The following PPP3R1 variants were observed in gnomAD, a reference collection of about 807,000 sequenced individuals.
PPP3R1 encodes the protein protein phosphatase 3 regulatory subunit B, alpha, also known as calcineurin subunit B type 1.
A neutral mutation model predicts 22.6 loss-of-function variants in PPP3R1; 5 were observed. The observed-to-expected ratio is 0.22, with a 90% CI of 0.12 to 0.46. The LOEUF (loss-of-function observed/expected upper bound fraction) is 0.46, where lower values mean the gene tolerates loss of function less well. PPP3R1 is among the 20% of genes least tolerant of loss of function. The pLI is 0.99. For synonymous variants in PPP3R1, 56 were observed against 65.2 expected (o/e 0.86, Z 0.68); for missense variants, 61 against 203.2 (o/e 0.30, Z 4.25).
At chr2:68,220,365 C>T (rs1461639771) in intron 1 of PPP3R1, among the ~76,000 whole-genome samples, 1 of 152,174 alleles carries the variant, frequency 6.6e-6, no homozygotes, top group East Asian at 1.9e-4. Flanking sequence ...GGAAACTCCC[C>T]AAGTCCAGGA....
chr2:68,187,738 G>T (rs1674576209), intron 3 of PPP3R1, among the ~76,000 whole-genome samples: 2 of 152,224 alleles, frequency 1.3e-5, no homozygotes, highest in South Asian at 4.1e-4. Context: ...CATGACAAAT[G>T]ATCATTTTTC....
intron 3 of PPP3R1, 63 bp from the exon 4 acceptor site, chr2:68,187,377 T>A: frequency 7.7e-7 from 1 of 1,302,258 alleles, no homozygotes; most frequent in Admixed American, 2.0e-5. Context: ...AAAAACATAT[T>A]TACCTTACAT....
At position 68,217,180 on chromosome 2, in the gene PPP3R1, T is replaced by C. The variant is rs770051623; in HGVS notation, c.4-49A>G. On this transcript the variant is annotated intron_variant, in intron 1 of 5. Transcript: ENST00000234310. The stretch of plus-strand genomic sequence containing the variant: ...TAGTCATAAAATAGGCACAAATTTG[T>C]TTAAAATATTAAACCTAAATATTTT... 8.0e-6 allele frequency: 11 copies of C among 1,373,322 alleles called. No homozygotes were observed. The Admixed American group carries it at 1.6e-4, about 20-fold the overall frequency. The allele number at this position is 1,373,322 out of a possible 1,614,324, so 85.1% of individuals were successfully genotyped here.
chr2:68,217,306 T>C (rs1669599352), intron 1 of PPP3R1, among the ~76,000 whole-genome samples, 175 bp from the exon 2 acceptor site: 1 of 152,156 alleles, frequency 6.6e-6, no homozygotes, highest in Non-Finnish European at 1.5e-5. Flanking sequence ...ATGATAATAC[T>C]GTAGAAAGAG....
Position 68,186,616 on chromosome 2 carries a change from T to C in PPP3R1, c.317A>G (p.Tyr106Cys), listed in dbSNP as rs1674550421. ...CTGGAAGAGTTCCCCATTGGAAATA[T>C]AGCCATCTTTATCCATGTCATAGAT... is the stretch of plus-strand genomic sequence containing the variant. ...FRIYDMDKDGYISNGELFQVL... is the reference protein window; with the variant it reads ...FRIYDMDKDGCISNGELFQVL... The change falls in exon 5 of 6, where the codon TAT becomes TGT. Residue 106 changes from tyrosine (Y) to cysteine (C), a missense_variant. Tyr to Cys is a radical substitution (Grantham distance 194, BLOSUM62 -2). Coordinates refer to ENST00000234310, the MANE Select transcript of PPP3R1 (RefSeq NM_000945.4). 1.2e-6 allele frequency: 2 copies of C among 1,613,022 alleles called. No homozygotes were observed. Among genetic ancestry groups the C allele is most frequent in the Non-Finnish European group, 1.7e-6 (2 of 1,179,314 alleles).
intron 2 of PPP3R1, among the ~76,000 whole-genome samples, chr2:68,205,864 G>A (rs1414700239): frequency 6.6e-6 from 1 of 152,040 alleles, no homozygotes; most frequent in African/African-American, 2.4e-5. Context: ...TTGTTGCCCA[G>A]GCTGGAGTGC....
At chr2:68,204,079 C>T (rs978651758) in intron 2 of PPP3R1, among the ~76,000 whole-genome samples, 1 of 152,180 alleles carries the variant, frequency 6.6e-6, no homozygotes, top group Non-Finnish European at 1.5e-5. Context: ...TCCACTCTTA[C>T]TTTCAATTGT....
At chr2:68,237,545 T>C (rs922265993) in intron 1 of PPP3R1, among the ~76,000 whole-genome samples, 1 of 152,136 alleles carries the variant, frequency 6.6e-6, no homozygotes, top group East Asian at 1.9e-4. Flanking sequence ...TACTTGACAT[T>C]ATACAACTCT....
intron 1 of PPP3R1, among the ~76,000 whole-genome samples, chr2:68,245,578 A>G (rs747340598): frequency 1.3e-5 from 2 of 152,166 alleles, no homozygotes; most frequent in Non-Finnish European, 2.9e-5. Context: ...GTCATCCTTC[A>G]TGACTGTTTC....
rs761504589 is a variant in PPP3R1, at chr2:68,187,236, A to G, written c.280+19T>C. 4 of 1,576,802 alleles carry G rather than the reference A, an allele frequency of 2.5e-6. No homozygotes were observed. Among genetic ancestry groups the G allele is most frequent in the Non-Finnish European group, 3.5e-6 (4 of 1,150,326 alleles). On this transcript the variant is annotated intron_variant, in intron 4 of 5. Coordinates refer to ENST00000234310, the MANE Select transcript of PPP3R1 (RefSeq NM_000945.4). ...GATGGTAGTATAAGAGAATGAAGTC[A>G]GTGAAGAAAAATACTTACACCTCAA...
chr2:68,188,802 A>G lies in PPP3R1; in HGVS notation c.44-112T>C, dbSNP rs1674600641. ...ATTTTAATAGTTATAGGGGGGAAAA[A>G]AAATCTAACAGTTATCCAATAGTTT... On this transcript the variant is annotated intron_variant, in intron 2 of 5. Coordinates refer to ENST00000234310, the MANE Select transcript of PPP3R1 (RefSeq NM_000945.4). 4.9e-6 allele frequency: 4 copies of G among 821,508 alleles called. No individual in the cohort carries two copies. In the African/African-American group the frequency reaches 5.2e-5, roughly 11 times the overall value. The allele number at this position is 821,508 out of a possible 1,614,324, so 50.9% of individuals were successfully genotyped here.
chr2:68,203,539 T>G (rs577195882), intron 2 of PPP3R1, among the ~76,000 whole-genome samples: 5 of 151,768 alleles, frequency 3.3e-5, no homozygotes, highest in Admixed American at 6.6e-5. Context: ...AGGCAGAGGT[T>G]GCAGTGTGCC....
Position 68,208,928 on chromosome 2 carries a change from T to A in PPP3R1, c.43+8164A>T, listed in dbSNP as rs67776021. Reference sequence around the variant, plus strand: ...ACAAAGCAAGACTCTAAAAAAAAAATTTTTTTTTTTAATTTAAAAAAAATC... The same window carrying A: ...ACAAAGCAAGACTCTAAAAAAAAAAATTTTTTTTTTAATTTAAAAAAAATC... On this transcript the variant is annotated intron_variant, in intron 2 of 5. Transcript: ENST00000234310. 2.0e-3 allele frequency among the ~76,000 whole-genome samples: 23 copies of A among 11,548 alleles called. 1 individual carries two copies. The East Asian group carries it at 0.022, about 11-fold the overall frequency. The allele number at this position is 11,548 out of a possible 152,430, so 7.6% of individuals were successfully genotyped here. A position where few individuals can be genotyped will look rare whatever the true frequency, so the allele number is the denominator to read the frequency against.
chr2:68,252,499 C>T lies in PPP3R1; in HGVS notation c.-372G>A. On this transcript the variant is annotated 5_prime_UTR_variant, in exon 1 of 6. Coordinates refer to ENST00000234310, the MANE Select transcript of PPP3R1 (RefSeq NM_000945.4). The stretch of plus-strand genomic sequence containing the variant: ...CGCCGGAGCCGTGACGGACTCACTG[C>T]AGCGGCTCGCGCTGACCCGCAACCT... The T allele has an allele frequency of 1.0e-6, 1 of 971,048 alleles. No homozygotes were observed. Among genetic ancestry groups the T allele is most frequent in the Non-Finnish European group, 1.2e-6 (1 of 827,998 alleles). The allele number at this position is 971,048 out of a possible 1,614,324, so 60.2% of individuals were successfully genotyped here. A position where few individuals can be genotyped will look rare whatever the true frequency, so the allele number is the denominator to read the frequency against.
intron 5 of PPP3R1, among the ~76,000 whole-genome samples, chr2:68,183,111 T>C (rs1034523136): frequency 6.6e-6 from 1 of 152,220 alleles, no homozygotes; most frequent in African/African-American, 2.4e-5. Flanking sequence ...TATGACCTTA[T>C]TGCAGTGGGA....
chr2:68,221,069 C>T (rs148326422), intron 1 of PPP3R1, among the ~76,000 whole-genome samples: 228 of 151,800 alleles, frequency 1.5e-3, no homozygotes, highest in South Asian at 8.6e-3. Context: ...TGGTGGCTCA[C>T]GCCTGTAATC....
At chr2:68,195,714 G>A (rs533663555) in intron 2 of PPP3R1, among the ~76,000 whole-genome samples, 1 of 152,042 alleles carries the variant, frequency 6.6e-6, no homozygotes, top group South Asian at 2.1e-4. Flanking sequence ...ACCAAAACCA[G>A]TGCCTTCTCC....
chr2:68,234,352 A>G (rs1488218224), intron 1 of PPP3R1, among the ~76,000 whole-genome samples: 1 of 152,152 alleles, frequency 6.6e-6, no homozygotes, highest in East Asian at 1.9e-4. Flanking sequence ...AAAAAAAAAA[A>G]AAGAAGCTTA....
rs746584723 is a variant in PPP3R1, at chr2:68,246,067, C to CTT, written c.3+6056_3+6057dup. Among the ~76,000 whole-genome samples the CTT allele has an allele frequency of 7.5e-3, 549 of 73,490 alleles. 1 individual carries two copies. The highest frequency in any genetic ancestry group is 0.031 in the Middle Eastern group (3 of 98). The allele number at this position is 73,490 out of a possible 152,430, so 48.2% of individuals were successfully genotyped here. ...CTTTTTACTGACTTTTTCTTTCTTT[C>CTT]TTTTTTTTTTTTTTTTTTTTTTTTT... On this transcript the variant is annotated intron_variant, in intron 1 of 5. Transcript: ENST00000234310.
Sources: allele counts gnomAD v4.1 joint callset (sites outside exome capture counted in the v4.1 genomes callset), GRCh38; gene constraint gnomAD v4.1.1; transcripts MANE v1.5; gene names NCBI Gene and HGNC (gene_info 2026-07-23, HGNC 2026-07-21).